Variants in MTHFD2L observed in about 807,000 individuals in gnomAD.
MTHFD2L encodes the protein methylenetetrahydrofolate dehydrogenase (NADP+ dependent) 2 like.
MTHFD2L carries 29 observed loss-of-function variants against 34.9 expected under a neutral mutation model. The ratio of observed to expected loss-of-function variants is 0.83; its 90% CI spans 0.62 to 1.13. The LOEUF (loss-of-function observed/expected upper bound fraction) is 1.13. Ranked by LOEUF, MTHFD2L falls within the 50% of genes most tolerant of loss-of-function variation. MTHFD2L has a pLI of 0.00. For synonymous variants in MTHFD2L, 167 were observed against 155.7 expected (o/e 1.07, Z -0.54); for missense variants, 481 against 446.5 (o/e 1.08, Z -0.70).
At chr4:74,160,782 G>A (rs927842266) in intron 1 of MTHFD2L, 2 of 152,208 alleles carry the variant, frequency 1.3e-5, no homozygotes, top group African/African-American at 4.8e-5. Context: ...ATGAGTTTGT[G>A]CCCATTGCTT....
At chr4:74,219,706 G>GAAT (rs1737821115) in intron 5 of MTHFD2L, among the ~76,000 whole-genome samples, 2 of 152,082 alleles carry the variant, frequency 1.3e-5, no homozygotes, top group Admixed American at 6.6e-5. Context: ...GAACACATTT[G>GAAT]CTTTTAGCTG....
chr4:74,255,575 T>C (rs1423130882), intron 6 of MTHFD2L, among the ~76,000 whole-genome samples: 1 of 152,162 alleles, frequency 6.6e-6, no homozygotes, highest in Non-Finnish European at 1.5e-5. Context: ...GTTTGGGGTA[T>C]GAAATGATTC....
intron 1 of MTHFD2L, among the ~76,000 whole-genome samples, chr4:74,145,356 A>G (rs1025870055): frequency 6.6e-5 from 10 of 152,188 alleles, no homozygotes; most frequent in African/African-American, 2.4e-4. Flanking sequence ...ATACAGGAGG[A>G]TGTGCATAAG....
At chr4:74,244,991 G>A (rs917252434) in intron 6 of MTHFD2L, among the ~76,000 whole-genome samples, 1 of 151,828 alleles carries the variant, frequency 6.6e-6, no homozygotes, top group African/African-American at 2.4e-5. Context: ...TCAAGAGCTC[G>A]AGACCATCCT....
chr4:74,142,446 C>T (rs1353760762), intron 1 of MTHFD2L, among the ~76,000 whole-genome samples: 3 of 152,122 alleles, frequency 2.0e-5, no homozygotes, highest in African/African-American at 4.8e-5. Flanking sequence ...GAGAATACAA[C>T]AAGAAGTCAG....
At chr4:74,291,272 C>G (rs922435391) in intron 7 of MTHFD2L, among the ~76,000 whole-genome samples, 3 of 151,870 alleles carry the variant, frequency 2.0e-5, no homozygotes, top group Non-Finnish European at 4.4e-5. Context: ...AGCTCGGCCT[C>G]CCAAAGTGCT....
intron 6 of MTHFD2L, among the ~76,000 whole-genome samples, chr4:74,236,595 T>C (rs1740872924): frequency 6.6e-6 from 1 of 152,256 alleles, no homozygotes; most frequent in Non-Finnish European, 1.5e-5. Flanking sequence ...TCTACATTGC[T>C]AGTATGGATT....
chr4:74,142,867 T>C (rs1723360713), intron 1 of MTHFD2L, among the ~76,000 whole-genome samples: 2 of 152,200 alleles, frequency 1.3e-5, no homozygotes, highest in South Asian at 4.1e-4. Flanking sequence ...TAAAGATTCT[T>C]AGTAGATTCT....
rs76141623 is a variant in MTHFD2L, at chr4:74,298,722, A to T, written c.932-2975A>T. Among the ~76,000 whole-genome samples, 397 of 152,058 alleles carry T rather than the reference A, an allele frequency of 2.6e-3. 3 individuals carry two copies. The highest frequency in any genetic ancestry group is 3.5e-3 in the Non-Finnish European group (241 of 67,936). ...AAATGTTGGAAAATTAATATATTAG[A>T]ATCTTTTCCTCTTCATTTCTTTTTT... On this transcript the variant is annotated intron_variant, in intron 7 of 7. Transcript: ENST00000325278.
chr4:74,192,322 A>G (rs1416280815), intron 3 of MTHFD2L, among the ~76,000 whole-genome samples: 1 of 152,164 alleles, frequency 6.6e-6, no homozygotes, highest in African/African-American at 2.4e-5. Flanking sequence ...GAACACTCAT[A>G]TGCCTTCAAA....
upstream of MTHFD2L, among the ~76,000 whole-genome samples, chr4:74,125,031 G>A (rs1578216620): frequency 6.6e-6 from 1 of 152,082 alleles, no homozygotes; most frequent in East Asian, 1.9e-4. Context: ...CTGAATTCCA[G>A]AGCAATACTT....
intron 1 of MTHFD2L, chr4:74,162,046 A>C (rs1367887486): frequency 6.6e-6 from 1 of 152,226 alleles, no homozygotes; most frequent in Non-Finnish European, 1.5e-5. Flanking sequence ...TTTACATACA[A>C]TGTAGAAAAC....
rs1747481016 is a variant in MTHFD2L, at chr4:74,281,534, A to C, written c.915A>C (p.Gly305=). The C allele has an allele frequency of 1.2e-6, 2 of 1,612,214 alleles. No homozygotes were observed. The highest frequency in any genetic ancestry group is 1.3e-5 in the African/African-American group (1 of 74,896). The part of the protein sequence containing the change: ...DPVTGKTKLV[G]DVDFEAVKKK... ...TGACAGGAAAGACAAAATTAGTTGG[A>C]GATGTGGACTTCGAAGGTAATAAAC... The change falls in exon 7 of 8, where the codon GGA becomes GGC. Residue 305 remains glycine, a synonymous_variant. Coordinates refer to ENST00000325278, the MANE Select transcript of MTHFD2L (RefSeq NM_001144978.3).
intron 3 of MTHFD2L, among the ~76,000 whole-genome samples, chr4:74,193,476 A>G (rs867136388): frequency 6.6e-6 from 1 of 152,218 alleles, no homozygotes; most frequent in African/African-American, 2.4e-5. Flanking sequence ...ACAAAAAACG[A>G]CATAGGATTA....
intron 5 of MTHFD2L, among the ~76,000 whole-genome samples, chr4:74,221,341 G>T (rs1054386602): frequency 6.6e-6 from 1 of 151,498 alleles, no homozygotes; most frequent in African/African-American, 2.4e-5. Context: ...CTGTATCCTT[G>T]ATCTGTCATG....
At chr4:74,270,676 G>T (rs948756452) in intron 6 of MTHFD2L, among the ~76,000 whole-genome samples, 1 of 152,138 alleles carries the variant, frequency 6.6e-6, no homozygotes, top group Non-Finnish European at 1.5e-5. Flanking sequence ...AATCCTTTGG[G>T]TATATACCCA....
chr4:74,259,740 A>T lies in MTHFD2L; in HGVS notation c.806-21685A>T, dbSNP rs77508332. 4.2e-3 allele frequency among the ~76,000 whole-genome samples: 643 copies of T among 152,358 alleles called. 9 individuals carry two copies. The highest frequency in any genetic ancestry group is 0.015 in the African/African-American group (610 of 41,582). On this transcript the variant is annotated intron_variant, in intron 6 of 7. Coordinates refer to ENST00000325278, the MANE Select transcript of MTHFD2L (RefSeq NM_001144978.3). ...ACCATAGATCAGCTATATGTTTAAC[A>T]GAGAGAAGTAGGGAATGAAAAAGCC...
intron 6 of MTHFD2L, among the ~76,000 whole-genome samples, chr4:74,251,521 C>T (rs574878992): frequency 2.0e-5 from 3 of 152,168 alleles, no homozygotes; most frequent in Admixed American, 6.5e-5. Context: ...GAAATCCCTG[C>T]TTTGTTGTGT....
At chr4:74,170,892 A>G (rs974916481) in intron 1 of MTHFD2L, among the ~76,000 whole-genome samples, 31 of 147,700 alleles carry the variant, frequency 2.1e-4, no homozygotes, top group African/African-American at 7.2e-4. Context: ...AAAACCAAAC[A>G]CTGCATGTTC....
Sources: allele counts gnomAD v4.1 joint callset (sites outside exome capture counted in the v4.1 genomes callset), GRCh38; gene constraint gnomAD v4.1.1; transcripts MANE v1.5; gene names NCBI Gene and HGNC (gene_info 2026-07-23, HGNC 2026-07-21).